The following PARP8 variants were observed in gnomAD, a reference collection of about 807,000 sequenced individuals.
The protein encoded by PARP8 is poly(ADP-ribose) polymerase family member 8.
PARP8 carries 51 observed loss-of-function variants against 124.1 expected under a neutral mutation model. The ratio of observed to expected loss-of-function variants is 0.41; its 90% CI spans 0.33 to 0.52. PARP8 has a LOEUF of 0.52. PARP8 is among the 20% of genes least tolerant of loss of function. The pLI, the probability that PARP8 is intolerant of heterozygous loss-of-function variation, is 0.21. For synonymous variants in PARP8, 391 were observed against 361.5 expected, an observed-to-expected ratio of 1.08 and a Z score of -0.93; for missense variants, 860 against 1,018.9, an observed-to-expected ratio of 0.84 and a Z score of 2.12.
chr5:50,823,157 A>G (rs187012520), intron 17 of PARP8, among the ~76,000 whole-genome samples: 45 of 152,302 alleles, frequency 3.0e-4, no homozygotes, highest in Non-Finnish European at 4.9e-4. Flanking sequence ...AATGAGTATT[A>G]CCCTGGGTCC....
intron 3 of PARP8, chr5:50,757,280 G>A (rs1760072718): frequency 2.5e-6 from 1 of 395,784 alleles, no homozygotes; most frequent in African/African-American, 2.1e-5. Context: ...AAAAAAACAG[G>A]CCAATAATCA....
At chr5:50,806,005 G>C (rs1402692676) in intron 14 of PARP8, among the ~76,000 whole-genome samples, 3 of 151,946 alleles carry the variant, frequency 2.0e-5, no homozygotes, top group African/African-American at 7.2e-5. Context: ...TGTTGATATT[G>C]ATCTATTGCT....
At chr5:50,818,402 T>A (rs2149695619) in intron 15 of PARP8, among the ~76,000 whole-genome samples, 1 of 152,222 alleles carries the variant, frequency 6.6e-6, no homozygotes, top group Non-Finnish European at 1.5e-5. Flanking sequence ...CTAATTTTTG[T>A]ATTTTTTTGT....
In PARP8 at chr5:50,834,959, T is replaced by C; in HGVS notation, c.2406T>C (p.His802=). ...TCACCTCATCTGACCTGCACAAACA[T>C]GGAGAGATATGGGTTGTCCCCAATA... ...EVITSSDLHK[H]GEIWVVPNTD... Residue 802 remains histidine, a synonymous_variant, in exon 25 of 26, where the codon CAT becomes CAC. Transcript: ENST00000281631. 2 of 1,613,530 alleles carry C rather than the reference T, an allele frequency of 1.2e-6. No homozygotes were observed. The highest frequency in any genetic ancestry group is 8.5e-7 in the Non-Finnish European group (1 of 1,179,648).
intron 17 of PARP8, 70 bp from the exon 18 acceptor site, chr5:50,824,838 A>G (rs1356549129): frequency 1.5e-6 from 2 of 1,323,378 alleles, no homozygotes; most frequent in Non-Finnish European, 2.2e-6. Context: ...GTTTGGTCTG[A>G]TTTTCCTTTT....
intron 4 of PARP8, 37 bp from the exon 5 acceptor site, chr5:50,760,255 G>C (rs1415541702): frequency 7.0e-7 from 1 of 1,419,874 alleles, no homozygotes; most frequent in African/African-American, 1.5e-5. Flanking sequence ...AGCATACTAA[G>C]TATCATAATA....
chr5:50,823,900 G>A (rs149631421), intron 17 of PARP8, among the ~76,000 whole-genome samples: 27 of 152,308 alleles, frequency 1.8e-4, no homozygotes, highest in Non-Finnish European at 3.4e-4. Flanking sequence ...ATTGCTTGGC[G>A]CTTCGCTGTC....
intron 7 of PARP8, among the ~76,000 whole-genome samples, chr5:50,772,930 C>G (rs545218058): frequency 6.6e-6 from 1 of 152,032 alleles, no homozygotes; most frequent in South Asian, 2.1e-4. Context: ...AACTCCTGAC[C>G]CAGTAGATCT....
intron 23 of PARP8, 113 bp downstream of exon 23, chr5:50,832,967 T>C (rs1747150417): frequency 1.1e-6 from 1 of 885,326 alleles, no homozygotes; most frequent in Admixed American, 2.4e-5. Flanking sequence ...ATGTGGTCAT[T>C]ACTTATAAAG....
At chr5:50,756,102 A>G (rs1489956042) in intron 3 of PARP8, among the ~76,000 whole-genome samples, 1 of 152,182 alleles carries the variant, frequency 6.6e-6, no homozygotes, top group African/African-American at 2.4e-5. Context: ...GGGGTTTTCT[A>G]AATATACAAC....
chr5:50,678,723 C>T (rs1159802064), intron 2 of PARP8, among the ~76,000 whole-genome samples: 1 of 152,140 alleles, frequency 6.6e-6, no homozygotes, highest in East Asian at 1.9e-4. Context: ...GCTCATTCTC[C>T]AGGAGCTGGC....
chr5:50,729,291 A>G (rs1756742089), intron 2 of PARP8, among the ~76,000 whole-genome samples: 1 of 152,024 alleles, frequency 6.6e-6, no homozygotes, highest in Non-Finnish European at 1.5e-5. Flanking sequence ...TGCTTTGCTA[A>G]GGAAAGAGCA....
At chr5:50,672,177 T>C (rs1185299876) in intron 2 of PARP8, among the ~76,000 whole-genome samples, 2 of 152,210 alleles carry the variant, frequency 1.3e-5, no homozygotes, top group Non-Finnish European at 2.9e-5. Context: ...GAGAAGCCTT[T>C]CCTGGCATCT....
At chr5:50,741,684 A>T (rs966182411) in intron 2 of PARP8, 1 of 254,008 alleles carries the variant, frequency 3.9e-6, no homozygotes, top group Admixed American at 5.2e-5. Context: ...AGTTTTGAAA[A>T]TAGGAAAATA....
intron 2 of PARP8, among the ~76,000 whole-genome samples, chr5:50,712,611 G>A (rs1754881846): frequency 6.6e-6 from 1 of 152,128 alleles, no homozygotes; most frequent in African/African-American, 2.4e-5. Flanking sequence ...ACCAGGCTCT[G>A]CAGGCCACCC....
intron 2 of PARP8, among the ~76,000 whole-genome samples, chr5:50,729,576 G>C (rs1214789115): frequency 3.3e-5 from 5 of 152,090 alleles, no homozygotes; most frequent in African/African-American, 1.2e-4. Context: ...TGTAACTCTA[G>C]GTCTGTGAGT....
intron 9 of PARP8, among the ~76,000 whole-genome samples, chr5:50,781,510 G>A (rs1740673519): frequency 6.6e-6 from 1 of 152,110 alleles, no homozygotes; most frequent in Non-Finnish European, 1.5e-5. Flanking sequence ...CTTTAGAGTC[G>A]GCAGCTCTGA....
At chr5:50,815,970 C>A (rs571542864) in intron 15 of PARP8, among the ~76,000 whole-genome samples, 2 of 151,232 alleles carry the variant, frequency 1.3e-5, no homozygotes, top group African/African-American at 4.9e-5. Context: ...GGAAGAAAAG[C>A]AATTCCATCA....
At chr5:50,754,880 G>C (rs373037455) in intron 3 of PARP8, among the ~76,000 whole-genome samples, 13 of 151,940 alleles carry the variant, frequency 8.6e-5, no homozygotes, top group Admixed American at 1.3e-4. Context: ...GCCATTCTAA[G>C]TGGTGTGAGA....
Sources: allele counts gnomAD v4.1 joint callset (sites outside exome capture counted in the v4.1 genomes callset), GRCh38; gene constraint gnomAD v4.1.1; transcripts MANE v1.5; gene names NCBI Gene and HGNC (gene_info 2026-07-23, HGNC 2026-07-21).